Variants in CSMD1 observed in about 807,000 individuals in gnomAD.
The protein encoded by CSMD1 is CUB and sushi domain-containing protein 1.
CSMD1 carries 213 observed loss-of-function variants against 417.5 expected under a neutral mutation model. The observed-to-expected ratio is 0.51, with a 90% CI of 0.46 to 0.57. The LOEUF is 0.57. CSMD1 is among the 20% of genes least tolerant of loss of function. CSMD1 has a pLI of 0.00. For synonymous variants in CSMD1, 2,862 were observed against 1,736.8 expected, an observed-to-expected ratio of 1.65 and a Z score of -16.11; for missense variants, 6,923 against 4,529.7, an observed-to-expected ratio of 1.53 and a Z score of -15.17.
Position 4,960,608 on chromosome 8 carries a change from C to G in CSMD1, c.85+33724G>C, listed in dbSNP as rs1449261136. Among the ~76,000 whole-genome samples the G allele has an allele frequency of 1.3e-5, 2 of 152,262 alleles. 1 individual carries two copies. Among genetic ancestry groups the G allele is most frequent in the South Asian group, 4.1e-4 (2 of 4,822 alleles). Reference sequence around the variant, plus strand: ...ATAGAATAATGCCAGTGCATACATACAGTCATGGGTGCATGCATCCATACA... The same window carrying G: ...ATAGAATAATGCCAGTGCATACATAGAGTCATGGGTGCATGCATCCATACA... On this transcript the variant is annotated intron_variant, in intron 1 of 69. Transcript: ENST00000635120.
intron 1 of CSMD1, among the ~76,000 whole-genome samples, chr8:4,925,532 ATTTTCTTTTTT>A (rs1479090954): frequency 0.025 from 1,202 of 47,360 alleles, 12 homozygotes; most frequent in African/African-American, 0.064. Flanking sequence ...TCTGTCTGGC[ATTTTCTTTTTT>A]TTTTCTTTTT....
intron 1 of CSMD1, among the ~76,000 whole-genome samples, chr8:4,652,895 G>T (rs190629592): frequency 6.6e-6 from 1 of 151,334 alleles, no homozygotes; most frequent in Admixed American, 6.6e-5. Context: ...AGAATCTAAC[G>T]CCGCTGCTGA....
intron 2 of CSMD1, among the ~76,000 whole-genome samples, chr8:4,531,803 C>G (rs111474990): frequency 6.6e-6 from 1 of 152,128 alleles, no homozygotes; most frequent in African/African-American, 2.4e-5. Flanking sequence ...TTTACAGCCA[C>G]CATCATAATC....
chr8:2,968,236 G>A (rs1804141999), intron 57 of CSMD1, among the ~76,000 whole-genome samples: 1 of 152,226 alleles, frequency 6.6e-6, no homozygotes, highest in Admixed American at 6.5e-5. Flanking sequence ...CTGTGCAACA[G>A]GTACTGTGTG....
At chr8:3,253,890 G>C (rs932819220) in intron 26 of CSMD1, among the ~76,000 whole-genome samples, 1 of 152,124 alleles carries the variant, frequency 6.6e-6, no homozygotes, top group Non-Finnish European at 1.5e-5. Flanking sequence ...GGTTTATATT[G>C]TTATGTGTGA....
chr8:4,565,796 ATGTATACATATATATATT>A (rs1563291997), intron 2 of CSMD1, among the ~76,000 whole-genome samples: 4 of 67,130 alleles, frequency 6.0e-5, no homozygotes, highest in African/African-American at 2.3e-4. Flanking sequence ...ATATATATAT[ATGTATACATATATATATT>A]ATATACACAC....
At chr8:3,989,396 G>C (rs937134461) in intron 5 of CSMD1, among the ~76,000 whole-genome samples, 1 of 152,188 alleles carries the variant, frequency 6.6e-6, no homozygotes, top group Non-Finnish European at 1.5e-5. Context: ...AAAAACGACA[G>C]AGGACATTGC....
chr8:3,471,327 T>G (rs900726369), intron 11 of CSMD1, among the ~76,000 whole-genome samples: 2 of 152,210 alleles, frequency 1.3e-5, no homozygotes, highest in South Asian at 2.1e-4. Flanking sequence ...AAAACTCTCT[T>G]GATATATTGT....
chr8:4,412,234 G>C, intron 3 of CSMD1, among the ~76,000 whole-genome samples: 1 of 152,088 alleles, frequency 6.6e-6, no homozygotes. Context: ...GTAGGGCCTG[G>C]TAGGAGGTGA....
At chr8:3,769,881 G>C (rs934777221) in intron 5 of CSMD1, among the ~76,000 whole-genome samples, 2 of 152,182 alleles carry the variant, frequency 1.3e-5, no homozygotes, top group African/African-American at 4.8e-5. Flanking sequence ...TGTCAGAAGG[G>C]ATGTAGCTCT....
chr8:3,681,004 A>G (rs1345089915), intron 7 of CSMD1, among the ~76,000 whole-genome samples: 1 of 152,078 alleles, frequency 6.6e-6, no homozygotes, highest in African/African-American at 2.4e-5. Context: ...CATGCTAAAA[A>G]CTCTCAATAA....
chr8:3,795,119 T>TCTATCTATCATGTATAGCTATAGATAC (rs1799980783), intron 5 of CSMD1, among the ~76,000 whole-genome samples: 1 of 73,974 alleles, frequency 1.4e-5, no homozygotes, highest in African/African-American at 4.3e-5. Flanking sequence ...GCTATAGATA[T>TCTATCTATCATGTATAGCTATAGATAC]CTATCATGTA....
rs1254846930 is a variant in CSMD1 at position 3,930,470 on chromosome 8, C to G, written c.818+67433G>C. Among the ~76,000 whole-genome samples the G allele has an allele frequency of 5.3e-5, 8 of 150,588 alleles. 1 individual carries two copies. The highest frequency in any genetic ancestry group is 9.8e-5 in the African/African-American group (4 of 40,794). On this transcript the variant is annotated intron_variant, in intron 5 of 69. Coordinates refer to ENST00000635120, the MANE Select transcript of CSMD1 (RefSeq NM_033225.6). Reference sequence around the variant, plus strand: ...CTTATTTGAAGGTCTTTTTACCTTTCTCACCATTCCACAAGTTACTTCCTC... The same window carrying G: ...CTTATTTGAAGGTCTTTTTACCTTTGTCACCATTCCACAAGTTACTTCCTC...
intron 3 of CSMD1, among the ~76,000 whole-genome samples, chr8:4,160,646 G>T (rs1452455793): frequency 6.6e-6 from 1 of 152,202 alleles, no homozygotes; most frequent in East Asian, 1.9e-4. Context: ...GGAAGTCTTT[G>T]TACTTGTGTG....
At chr8:3,938,724 G>T (rs1417536832) in intron 5 of CSMD1, among the ~76,000 whole-genome samples, 1 of 152,164 alleles carries the variant, frequency 6.6e-6, no homozygotes, top group African/African-American at 2.4e-5. Flanking sequence ...CCAAACATAA[G>T]TTGTTTTCCT....
chr8:3,993,338 G>C (rs967584589), intron 5 of CSMD1, among the ~76,000 whole-genome samples: 3 of 152,164 alleles, frequency 2.0e-5, no homozygotes, highest in African/African-American at 7.2e-5. Context: ...CTGTTACTCA[G>C]CATGTTCCTC....
chr8:4,696,589 C>G (rs140429230), intron 1 of CSMD1, among the ~76,000 whole-genome samples: 1 of 152,298 alleles, frequency 6.6e-6, no homozygotes, highest in African/African-American at 2.4e-5. Flanking sequence ...CAGTTAATTT[C>G]CCCCGTATTA....
chr8:3,029,486 T>A lies in CSMD1; in HGVS notation c.7688A>T (p.Gln2563Leu), dbSNP rs761079358. ...CCTCCAGATGACATGTTCTGAGAGC[T>A]GAGCTTCAATGCTGGGGCAAGCGAC... ...KPVACPSIEA[Q>L]LSEHVIWRLV... The change falls in exon 51 of 70, where the codon CAG becomes CTG. Residue 2563 changes from glutamine to leucine, a missense_variant. By Grantham distance (113) the Gln-to-Leu change is moderately radical. Coordinates refer to ENST00000635120, the MANE Select transcript of CSMD1 (RefSeq NM_033225.6). 2.5e-6 allele frequency: 4 copies of A among 1,602,438 alleles called. No individual in the cohort carries two copies. Among genetic ancestry groups the A allele is most frequent in the East Asian group, 2.2e-5 (1 of 44,530 alleles).
chr8:4,149,644 C>G (rs1386181274), intron 3 of CSMD1, among the ~76,000 whole-genome samples: 4 of 152,146 alleles, frequency 2.6e-5, no homozygotes, highest in African/African-American at 9.7e-5. Context: ...TAGCTCAACA[C>G]CTACAGAATG....
Sources: gnomAD v4.1 joint callset for allele counts (sites outside exome capture counted in the v4.1 genomes callset) on GRCh38, gnomAD v4.1.1 for gene constraint, MANE v1.5 for transcripts, NCBI Gene and HGNC (gene_info 2026-07-23, HGNC 2026-07-21) for gene names.